GLYATL2: variants seen among roughly 807,000 people sequenced by gnomAD.
GLYATL2 encodes glycine-N-acyltransferase like 2.
Under a neutral mutation model 21.4 loss-of-function variants are expected in GLYATL2, and 25 were observed. The observed-to-expected ratio is 1.17, with a 90% CI of 0.85 to 1.63. GLYATL2 has a LOEUF of 1.63. Ranked by LOEUF, GLYATL2 falls within the 40% of genes most tolerant of loss-of-function variation. GLYATL2 has a pLI of 0.00. For synonymous variants in GLYATL2, 114 were observed against 118.2 expected (o/e 0.96, Z 0.23); for missense variants, 361 against 343.3 (o/e 1.05, Z -0.41).
At chr11:58,895,604 G>A (rs181335383) in intron 1 of GLYATL2, among the ~76,000 whole-genome samples, 4 of 152,206 alleles carry the variant, frequency 2.6e-5, no homozygotes, top group African/African-American at 7.2e-5. Context: ...ACCTATCAGG[G>A]GCCAGCACTG....
rs1853449313 is a variant in GLYATL2, at chr11:58,837,193, A to G, written c.314-16T>C. The G allele has an allele frequency of 6.2e-7, 1 of 1,613,336 alleles. No individual in the cohort carries two copies. On this transcript the variant is annotated splice_polypyrimidine_tract_variant and intron_variant, in intron 4 of 5. Coordinates refer to ENST00000287275, the MANE Select transcript of GLYATL2 (RefSeq NM_145016.4). ...TCTTGGCAACCTGGAGAAAGGAGAAAGACAAGTACCACTTTATGCCTTCCA... is the reference window on the plus strand; with the variant it reads ...TCTTGGCAACCTGGAGAAAGGAGAAGGACAAGTACCACTTTATGCCTTCCA...
intron 1 of GLYATL2, among the ~76,000 whole-genome samples, chr11:58,864,923 G>T (rs1853997971): frequency 6.7e-6 from 1 of 148,836 alleles, no homozygotes; most frequent in Non-Finnish European, 1.5e-5. Context: ...TGGAAAGAAC[G>T]ATGGCAGATC....
chr11:58,861,121 G>A (rs1174861204), intron 1 of GLYATL2, among the ~76,000 whole-genome samples: 3 of 152,018 alleles, frequency 2.0e-5, no homozygotes, highest in Non-Finnish European at 2.9e-5. Context: ...AACTTTGGAA[G>A]TATTCCCTCT....
At chr11:58,894,396 G>A (rs375378152) in intron 1 of GLYATL2, among the ~76,000 whole-genome samples, 8 of 136,358 alleles carry the variant, frequency 5.9e-5, no homozygotes, top group African/African-American at 1.1e-4. Flanking sequence ...TACACTTCAC[G>A]AACAAAATGT....
At chr11:58,869,687 G>T (rs992878867) in intron 1 of GLYATL2, among the ~76,000 whole-genome samples, 11 of 152,152 alleles carry the variant, frequency 7.2e-5, no homozygotes, top group African/African-American at 2.7e-4. Context: ...AGCACTCAGA[G>T]ATTAAGTAAA....
intron 1 of GLYATL2, among the ~76,000 whole-genome samples, chr11:58,900,820 T>C (rs1019991086): frequency 1.3e-5 from 2 of 152,188 alleles, no homozygotes; most frequent in Admixed American, 1.3e-4. Context: ...GCTTTGGCTT[T>C]CATGGAAGCT....
chr11:58,881,466 A>G (rs1336256095), intron 1 of GLYATL2, among the ~76,000 whole-genome samples: 1 of 152,170 alleles, frequency 6.6e-6, no homozygotes, highest in Non-Finnish European at 1.5e-5. Flanking sequence ...AATTTTTGTA[A>G]TGAAACTGGG....
At chr11:58,838,208 C>G in intron 3 of GLYATL2, 53 bp downstream of exon 3, 5 of 1,163,022 alleles carry the variant, frequency 4.3e-6, no homozygotes, top group South Asian at 1.3e-5. Flanking sequence ...CATTGCCATG[C>G]AGAGAACGTC....
chr11:58,898,573 G>C (rs546600209), intron 1 of GLYATL2, among the ~76,000 whole-genome samples: 6 of 151,496 alleles, frequency 4.0e-5, no homozygotes, highest in Middle Eastern at 3.4e-3. Context: ...AGTGACTGAC[G>C]CCTGTAATCC....
At chr11:58,881,578 T>C (rs78088553) in intron 1 of GLYATL2, among the ~76,000 whole-genome samples, 52 of 152,324 alleles carry the variant, frequency 3.4e-4, no homozygotes, top group African/African-American at 1.3e-3. Flanking sequence ...AAACTGTTTT[T>C]AGAAGGCTGA....
chr11:58,899,812 A>G (rs188723694), intron 1 of GLYATL2, among the ~76,000 whole-genome samples: 1,950 of 145,526 alleles, frequency 0.013, 51 homozygotes, highest in African/African-American at 0.048. Flanking sequence ...GTTAATTACA[A>G]CAGAATATAT....
chr11:58,887,600 G>T (rs1854466158), intron 1 of GLYATL2, among the ~76,000 whole-genome samples: 1 of 152,084 alleles, frequency 6.6e-6, no homozygotes, highest in South Asian at 2.1e-4. Flanking sequence ...AATCACTGAT[G>T]ATCTCTTCTG....
intron 1 of GLYATL2, among the ~76,000 whole-genome samples, chr11:58,898,156 C>A (rs919770722): frequency 6.6e-6 from 1 of 151,800 alleles, no homozygotes; most frequent in Non-Finnish European, 1.5e-5. Context: ...AAATAAAGTA[C>A]CAGTTATTCT....
rs186825779 is a variant in GLYATL2, at chr11:58,866,444, C to T, written n.61-28076G>A. Among the ~76,000 whole-genome samples the T allele has an allele frequency of 8.7e-4, 129 of 148,724 alleles. 5 individuals carry two copies. Among genetic ancestry groups the T allele is most frequent in the African/African-American group, 3.0e-3 (123 of 41,304 alleles). ...AGGTCTTCTGACTGGATGAACAACC[C>T]CTCCCTGAGTGTCCAGGTGTGAAGA... On this transcript the variant is annotated intron_variant and non_coding_transcript_variant, in intron 1 of 4. Transcript: ENST00000533636.
chr11:58,907,646 G>T, upstream of GLYATL2: 2 of 207,338 alleles, frequency 9.6e-6, no homozygotes, highest in Non-Finnish European at 2.0e-5. Flanking sequence ...AGTCATTGTG[G>T]GTCATATTTT....
intron 1 of GLYATL2, among the ~76,000 whole-genome samples, chr11:58,902,153 C>G (rs1285242661): frequency 6.6e-6 from 1 of 152,064 alleles, no homozygotes; most frequent in East Asian, 1.9e-4. Flanking sequence ...CCCATTTCAG[C>G]TATCTATCAA....
At chr11:58,856,206 C>T (rs956155563) in intron 1 of GLYATL2, among the ~76,000 whole-genome samples, 5 of 152,038 alleles carry the variant, frequency 3.3e-5, no homozygotes, top group African/African-American at 1.2e-4. Context: ...TAGCTTCCAA[C>T]TTTTTTTCTG....
chr11:58,894,609 A>T (rs891416798), intron 1 of GLYATL2, among the ~76,000 whole-genome samples: 1 of 152,144 alleles, frequency 6.6e-6, no homozygotes, highest in African/African-American at 2.4e-5. Context: ...ATCTCTCCAT[A>T]AAAAGTAAGC....
chr11:58,901,858 C>G (rs1854745766), intron 1 of GLYATL2, among the ~76,000 whole-genome samples: 2 of 152,148 alleles, frequency 1.3e-5, no homozygotes, highest in Admixed American at 1.3e-4. Flanking sequence ...GATCACTCTA[C>G]CCCCCATTCA....
Sources: gnomAD v4.1 joint callset for allele counts (sites outside exome capture counted in the v4.1 genomes callset) on GRCh38, gnomAD v4.1.1 for gene constraint, MANE v1.5 for transcripts, NCBI Gene and HGNC (gene_info 2026-07-23, HGNC 2026-07-21) for gene names.